Variants in CFAP97D2 observed in about 807,000 individuals in gnomAD.
CFAP97D2 encodes uncharacterized protein CFAP97D2.
chr13:114,179,940 C>A lies in CFAP97D2; in HGVS notation c.90+520C>A, dbSNP rs555693540. 1.3e-5 allele frequency among the ~76,000 whole-genome samples: 2 copies of A among 152,188 alleles called. No homozygotes were observed. Among genetic ancestry groups the A allele is most frequent in the African/African-American group, 4.8e-5 (2 of 41,444 alleles). ...TGCTGGGATTACAGGCATGAGCCAC[C>A]GTGCCCGGCCCGGCATCCTTTTCTC... is the stretch of plus-strand genomic sequence containing the variant. On this transcript the variant is annotated intron_variant, in intron 1 of 4. Coordinates refer to ENST00000646158, the Ensembl canonical transcript of CFAP97D2. The surrounding 1 kb of genome is among the most constrained non-coding windows in gnomAD (Gnocchi z 4.8).
At chr13:114,210,853 GAT>G (rs1294492023) in intron 3 of CFAP97D2, among the ~76,000 whole-genome samples, 15 of 99,020 alleles carry the variant, frequency 1.5e-4, no homozygotes, top group African/African-American at 7.5e-4. Context: ...ACATTTCATT[GAT>G]ACACACACAC....
Position 114,186,942 on chromosome 13 carries a change from C to A in CFAP97D2, c.90+7522C>A, listed in dbSNP as rs1282096701. On this transcript the variant is annotated intron_variant, in intron 1 of 4. Transcript: ENST00000646158. The surrounding 1 kb of genome is among the most constrained non-coding windows in gnomAD (Gnocchi z 4.3). The stretch of plus-strand genomic sequence containing the variant: ...TCCAAGTGGGCCCAGTGGGCCCGAG[C>A]AAAATTCGGCAAAGGTGCCACCAGC... Among the ~76,000 whole-genome samples the A allele has an allele frequency of 1.3e-5, 2 of 152,314 alleles. No homozygotes were observed. Among genetic ancestry groups the A allele is most frequent in the African/African-American group, 2.4e-5 (1 of 41,580 alleles).
In CFAP97D2 at chr13:114,183,765, G is replaced by A. The variant is rs111288176; in HGVS notation, c.90+4345G>A. Among the ~76,000 whole-genome samples the A allele has an allele frequency of 2.7e-3, 411 of 152,174 alleles. 1 individual carries two copies. Among genetic ancestry groups the A allele is most frequent in the African/African-American group, 6.8e-3 (282 of 41,522 alleles). ...TCATGACTTAGTCACTTCCCTAAAG[G>A]CCCCACCTCTTATTACCACCACAGT... is the stretch of plus-strand genomic sequence containing the variant. On this transcript the variant is annotated intron_variant, in intron 1 of 4. Coordinates refer to ENST00000646158, the Ensembl canonical transcript of CFAP97D2.
rs1424101710 is a variant in CFAP97D2 at position 114,194,248 on chromosome 13, A to G, written c.91-2148A>G. ...CTAACATCACAAGGTAGAGACAAGC[A>G]AAAATTTGTACCTGCCAATAAAATG... On this transcript the variant is annotated intron_variant, in intron 1 of 4. Coordinates refer to ENST00000646158, the Ensembl canonical transcript of CFAP97D2. Among the ~76,000 whole-genome samples, 3 of 152,224 alleles carry G rather than the reference A, an allele frequency of 2.0e-5. No individual in the cohort carries two copies. The East Asian group carries it at 5.8e-4, about 29-fold the overall frequency.
chr13:114,185,436 G>A lies in CFAP97D2; in HGVS notation c.90+6016G>A, dbSNP rs374446327. ...GCATGGCCAGGGCTGCACACTCCACGGAGCCTGTGGGAGCCAGGAATGAGT... is the reference window on the plus strand; with the variant it reads ...GCATGGCCAGGGCTGCACACTCCACAGAGCCTGTGGGAGCCAGGAATGAGT... On this transcript the variant is annotated intron_variant, in intron 1 of 4. Transcript: ENST00000646158. This position sits in a 1 kb window ranked among gnomAD's most constrained non-coding sequence, Gnocchi z 5.2. Among the ~76,000 whole-genome samples the A allele has an allele frequency of 4.8e-4, 73 of 152,300 alleles. No individual in the cohort carries two copies. Among genetic ancestry groups the A allele is most frequent in the African/African-American group, 1.7e-3 (70 of 41,548 alleles).
chr13:114,200,933 A>G (rs1346007435), intron 3 of CFAP97D2, among the ~76,000 whole-genome samples: 1 of 152,234 alleles, frequency 6.6e-6, no homozygotes, highest in East Asian at 1.9e-4. Flanking sequence ...TTTCTCTGTC[A>G]GCAGACCACT....
At chr13:114,181,033 G>A (rs962862392) in intron 1 of CFAP97D2, among the ~76,000 whole-genome samples, 2 of 152,222 alleles carry the variant, frequency 1.3e-5, no homozygotes, top group Non-Finnish European at 2.9e-5. Context: ...TACAGGTACT[G>A]GGTCCAAGGA....
intron 3 of CFAP97D2, among the ~76,000 whole-genome samples, chr13:114,205,884 C>G (rs1336420368): frequency 6.6e-6 from 1 of 152,186 alleles, no homozygotes; most frequent in African/African-American, 2.4e-5. Context: ...GACTTAGTCT[C>G]AGCAACAGGC....
At chr13:114,220,600 T>C (rs2081017169) in intron 4 of CFAP97D2, among the ~76,000 whole-genome samples, 1 of 152,240 alleles carries the variant, frequency 6.6e-6, no homozygotes, top group Non-Finnish European at 1.5e-5. Flanking sequence ...CAAAACCCAC[T>C]GGCCATCCTG....
rs913471146 is a variant in CFAP97D2 at position 114,179,788 on chromosome 13, TTTTTTG to T, written c.90+390_90+395del. On this transcript the variant is annotated intron_variant, in intron 1 of 4. Transcript: ENST00000646158. The surrounding 1 kb of genome is among the most constrained non-coding windows in gnomAD (Gnocchi z 4.8). ...ATCCTTTTCTTTTTCTTTCTTTTTG[TTTTTTG>T]TTTTTGTTTTTGTTTTTGTTTGTTT... Among the ~76,000 whole-genome samples the T allele has an allele frequency of 2.2e-4, 34 of 152,250 alleles. No homozygotes were observed. Among genetic ancestry groups the T allele is most frequent in the East Asian group, 5.8e-4 (3 of 5,180 alleles).
At chr13:114,196,634 A>G (rs1205960777) in intron 2 of CFAP97D2, among the ~76,000 whole-genome samples, 158 bp downstream of exon 2, 1 of 152,170 alleles carries the variant, frequency 6.6e-6, no homozygotes, top group African/African-American at 2.4e-5. Context: ...TCCGTGAGGG[A>G]GCTGGTTGAT....
chr13:114,201,195 A>C (rs1389635932), intron 3 of CFAP97D2, among the ~76,000 whole-genome samples: 2 of 152,148 alleles, frequency 1.3e-5, no homozygotes, highest in Non-Finnish European at 2.9e-5. Flanking sequence ...CATCTTACAC[A>C]TCCTAGAGTA....
intron 4 of CFAP97D2, among the ~76,000 whole-genome samples, chr13:114,216,829 T>C (rs996686735): frequency 2.0e-5 from 3 of 152,154 alleles, no homozygotes; most frequent in African/African-American, 7.2e-5. Context: ...CTGGGTCAAA[T>C]GGTATTTCTA....
rs940118832 is a variant in CFAP97D2 at position 114,211,452 on chromosome 13, C to T, written c.291-460C>T. Among the ~76,000 whole-genome samples, 1 of 152,182 alleles carries T rather than the reference C, an allele frequency of 6.6e-6. No individual in the cohort carries two copies. Among genetic ancestry groups the T allele is most frequent in the Admixed American group, 6.5e-5 (1 of 15,284 alleles). On this transcript the variant is annotated intron_variant, in intron 3 of 4. Transcript: ENST00000646158. This position sits in a 1 kb window ranked among gnomAD's most constrained non-coding sequence, Gnocchi z 4.2. ...GTGCACTGCTAGACCCTCCAAAATC[C>T]AACCCCTGCCAACCTCCCTCACCTC...
At chr13:114,200,529 C>A (rs1299160340) in intron 3 of CFAP97D2, 86 bp downstream of exon 3, 1 of 396,766 alleles carries the variant, frequency 2.5e-6, no homozygotes, top group Non-Finnish European at 4.4e-6. Context: ...GAAGAGCTGC[C>A]CGTGGGTGGG....
chr13:114,217,766 G>A (rs1032845959), intron 4 of CFAP97D2, among the ~76,000 whole-genome samples: 1 of 152,132 alleles, frequency 6.6e-6, no homozygotes, highest in Non-Finnish European at 1.5e-5. Flanking sequence ...CAGAACTAAT[G>A]ACAAAAACCA....
intron 4 of CFAP97D2, among the ~76,000 whole-genome samples, chr13:114,219,014 A>G (rs923679092): frequency 1.3e-5 from 2 of 152,360 alleles, no homozygotes; most frequent in African/African-American, 4.8e-5. Flanking sequence ...AACAAAAGCC[A>G]AAATTGACAA....
rs1359717948 is a variant in CFAP97D2 at position 114,212,539 on chromosome 13, C to T, written c.480+438C>T. 2.6e-5 allele frequency among the ~76,000 whole-genome samples: 4 copies of T among 151,382 alleles called. 1 individual carries two copies. The South Asian group carries it at 6.3e-4, about 24-fold the overall frequency. ...AGACCAGCCTGGGAAACATAGTGAG[C>T]CACTGTCTCTATTAAAAAAAGAAAA... On this transcript the variant is annotated intron_variant, in intron 4 of 4. Coordinates refer to ENST00000646158, the Ensembl canonical transcript of CFAP97D2.
chr13:114,212,153 G>A (rs572182019), intron 4 of CFAP97D2: 32 of 398,306 alleles, frequency 8.0e-5, no homozygotes, highest in East Asian at 1.8e-4. Context: ...GAAATTTCCC[G>A]TTTTACTTCA....
Sources: gnomAD v4.1 joint callset for allele counts (sites outside exome capture counted in the v4.1 genomes callset) on GRCh38, gnomAD v4.1.1 for gene constraint, Gnocchi (gnomAD v3.1) non-coding constraint, MANE v1.5 for transcripts, NCBI Gene and HGNC (gene_info 2026-07-23, HGNC 2026-07-21) for gene names.